The following CLSTN2 variants were observed in gnomAD, a reference collection of about 807,000 sequenced individuals.
CLSTN2 encodes the protein calsyntenin 2.
In CLSTN2, 48 loss-of-function variants were observed where a neutral mutation model predicts 101.2. The observed-to-expected ratio is 0.47, with a 90% confidence interval of 0.38 to 0.60. CLSTN2 has a LOEUF of 0.60. Ranked by LOEUF, CLSTN2 falls within the 20% of genes least tolerant of loss-of-function variation. The pLI is 0.00. For synonymous variants in CLSTN2, 481 were observed against 463.6 expected (o/e 1.04, Z -0.48); for missense variants, 1,160 against 1,238.2 (o/e 0.94, Z 0.95).
rs903211598 is a variant in CLSTN2 at position 140,365,609 on chromosome 3, G to A, written c.233-38020G>A. 2.0e-5 allele frequency among the ~76,000 whole-genome samples: 3 copies of A among 152,058 alleles called. No homozygotes were observed. In the East Asian group the frequency reaches 5.8e-4, roughly 29 times the overall value. On this transcript the variant is annotated intron_variant, in intron 2 of 16. Transcript: ENST00000458420. ...CATCGGGGAAACTAAGGCCCAGAGA[G>A]GTGAGGGGACTTAAGGCCACACAGA...
At chr3:140,085,272 G>A (rs771863418) in intron 1 of CLSTN2, among the ~76,000 whole-genome samples, 4 of 152,314 alleles carry the variant, frequency 2.6e-5, no homozygotes, top group East Asian at 1.9e-4. Context: ...GCTAGAGAAC[G>A]TGTTCCCCTG....
At chr3:140,489,820 T>A (rs1019610370) in intron 8 of CLSTN2, among the ~76,000 whole-genome samples, 2 of 151,312 alleles carry the variant, frequency 1.3e-5, no homozygotes, top group Non-Finnish European at 2.9e-5. Flanking sequence ...TTGGAAAGAT[T>A]AGAAAACAAC....
intron 2 of CLSTN2, among the ~76,000 whole-genome samples, chr3:140,331,120 C>T (rs1254618961): frequency 6.6e-6 from 1 of 152,160 alleles, no homozygotes; most frequent in African/African-American, 2.4e-5. Flanking sequence ...CAGTCTGAGG[C>T]TGAAGTACTG....
chr3:140,573,370 A>C lies in CLSTN2; in HGVS notation c.*7117A>C, dbSNP rs1364470444. 6.6e-6 allele frequency: 1 copy of C among 152,228 alleles called. No homozygotes were observed. The highest frequency in any genetic ancestry group is 1.5e-5 in the Non-Finnish European group (1 of 68,044). 9.4% of individuals were successfully genotyped at this position (152,228 alleles called of 1,614,324 possible). On this transcript the variant is annotated 3_prime_UTR_variant, in exon 17 of 17. Transcript: ENST00000458420. Reference sequence around the variant, plus strand: ...AGGGCAGTAACTCATTCTGGATGTTACTAAAAGTAGAAAACAAAAATCCAA... The same window carrying C: ...AGGGCAGTAACTCATTCTGGATGTTCCTAAAAGTAGAAAACAAAAATCCAA...
At chr3:140,409,149 C>G (rs551917367) in intron 4 of CLSTN2, among the ~76,000 whole-genome samples, 3 of 152,364 alleles carry the variant, frequency 2.0e-5, no homozygotes, top group East Asian at 3.9e-4. Flanking sequence ...CATATGTATA[C>G]CATGAGCCTT....
rs377473086 is a variant in CLSTN2 at position 140,181,492 on chromosome 3, T to C, written c.232+5419T>C. The stretch of plus-strand genomic sequence containing the variant: ...AAGGCTTGATCACCCATTTGTACTG[T>C]CAAGGTATGTTGCCTAGATTGTTGG... On this transcript the variant is annotated intron_variant, in intron 2 of 16. Transcript: ENST00000458420. Among the ~76,000 whole-genome samples, 41 of 152,322 alleles carry C rather than the reference T, an allele frequency of 2.7e-4. 1 individual carries two copies. In the East Asian group the frequency reaches 4.6e-3, roughly 17 times the overall value.
chr3:140,260,683 C>A (rs571060994), intron 2 of CLSTN2, among the ~76,000 whole-genome samples: 4 of 152,116 alleles, frequency 2.6e-5, no homozygotes, highest in African/African-American at 7.2e-5. Context: ...TATCAACTAA[C>A]GTCTATAGTT....
In CLSTN2 at chr3:140,379,648, A is replaced by G. The variant is rs191570525; in HGVS notation, c.233-23981A>G. Among the ~76,000 whole-genome samples the G allele has an allele frequency of 2.0e-5, 3 of 152,358 alleles. No individual in the cohort carries two copies. The East Asian group carries it at 5.8e-4, about 29-fold the overall frequency. ...ACACAGCATCAATTTTAAAATGTGC[A>G]TGCCCAGTATATCCACTTTTAGGAA... is the stretch of plus-strand genomic sequence containing the variant. On this transcript the variant is annotated intron_variant, in intron 2 of 16. Coordinates refer to ENST00000458420, the MANE Select transcript of CLSTN2 (RefSeq NM_022131.3).
intron 2 of CLSTN2, among the ~76,000 whole-genome samples, chr3:140,279,871 C>G (rs960020761): frequency 1.1e-4 from 16 of 152,156 alleles, no homozygotes; most frequent in African/African-American, 3.9e-4. Context: ...GTTTCTACAC[C>G]CATTGGCATC....
chr3:140,514,009 C>A (rs567862511), intron 8 of CLSTN2, among the ~76,000 whole-genome samples: 100 of 152,110 alleles, frequency 6.6e-4, no homozygotes, highest in Non-Finnish European at 4.4e-4. Context: ...GTCAAGATAG[C>A]AGTCTATTTT....
At chr3:140,118,057 G>T (rs1405840025) in intron 1 of CLSTN2, among the ~76,000 whole-genome samples, 1 of 151,938 alleles carries the variant, frequency 6.6e-6, no homozygotes, top group Non-Finnish European at 1.5e-5. Flanking sequence ...GTAGAATGAG[G>T]CTATCACAAT....
At chr3:140,399,785 A>C (rs2088220475) in intron 2 of CLSTN2, among the ~76,000 whole-genome samples, 1 of 151,982 alleles carries the variant, frequency 6.6e-6, no homozygotes, top group African/African-American at 2.4e-5. Context: ...TTGGTGCTAG[A>C]GTTTGGAGTA....
chr3:140,211,317 G>A (rs1011823352), intron 2 of CLSTN2, among the ~76,000 whole-genome samples: 3 of 150,014 alleles, frequency 2.0e-5, no homozygotes, highest in Admixed American at 1.3e-4. Flanking sequence ...ATGGTTGGCA[G>A]GGATGAGTAA....
At chr3:139,971,457 C>A (rs1935701864) in intron 1 of CLSTN2, among the ~76,000 whole-genome samples, 1 of 152,168 alleles carries the variant, frequency 6.6e-6, no homozygotes, top group African/African-American at 2.4e-5. Context: ...AAGGAGTGGG[C>A]TACAGTTGCT....
intron 1 of CLSTN2, among the ~76,000 whole-genome samples, chr3:140,122,584 A>G (rs2009361284): frequency 6.6e-6 from 1 of 152,174 alleles, no homozygotes; most frequent in Admixed American, 6.5e-5. Flanking sequence ...TAGCTCCCCT[A>G]ATGGGCTGGA....
In CLSTN2 at chr3:140,404,564, G is replaced by T; in HGVS notation, c.435G>T (p.Val145=). 1 of 1,614,042 alleles carries T rather than the reference G, an allele frequency of 6.2e-7. No individual in the cohort carries two copies. The highest frequency in any genetic ancestry group is 8.5e-7 in the Non-Finnish European group (1 of 1,179,948). The change falls in exon 4 of 17, where the codon GTG becomes GTT. Residue 145 remains valine, a synonymous_variant. Coordinates refer to ENST00000458420, the MANE Select transcript of CLSTN2 (RefSeq NM_022131.3). The part of the protein sequence containing the change: ...ETAWKKSHKA[V]VHIQVKDVNE... ...TTTCTGTGTGTGGTCCCAGGGCCGT[G>T]GTCCATATACAGGTGAAGGATGTCA...
At chr3:140,280,382 T>G (rs886881322) in intron 2 of CLSTN2, among the ~76,000 whole-genome samples, 1 of 152,138 alleles carries the variant, frequency 6.6e-6, no homozygotes, top group Non-Finnish European at 1.5e-5. Context: ...CTGGCTAGAT[T>G]TATTTGCATT....
chr3:140,116,988 C>A (rs1010807901), intron 1 of CLSTN2, among the ~76,000 whole-genome samples: 2 of 152,180 alleles, frequency 1.3e-5, no homozygotes, highest in African/African-American at 4.8e-5. Flanking sequence ...TCTGAAATTG[C>A]TCCCATATTC....
intron 2 of CLSTN2, among the ~76,000 whole-genome samples, chr3:140,198,263 T>C (rs1217576521): frequency 1.3e-5 from 2 of 152,240 alleles, no homozygotes; most frequent in Non-Finnish European, 1.5e-5. Flanking sequence ...TCATGTTGTG[T>C]TGGTGCCTTT....
Sources: gnomAD v4.1 joint callset for allele counts (sites outside exome capture counted in the v4.1 genomes callset) on GRCh38, gnomAD v4.1.1 for gene constraint, MANE v1.5 for transcripts, NCBI Gene and HGNC (gene_info 2026-07-23, HGNC 2026-07-21) for gene names.